Variants in COL23A1 observed in about 807,000 individuals in gnomAD.
COL23A1 encodes collagen alpha-1(XXIII) chain.
In COL23A1, 97 loss-of-function variants were observed where a neutral mutation model predicts 99.3. The observed-to-expected ratio is 0.98, with a 90% confidence interval of 0.83 to 1.16. COL23A1 has a LOEUF of 1.16. Among genes scored for constraint, COL23A1 ranks in the 50% most tolerant of loss-of-function variants. The pLI, the probability that COL23A1 is intolerant of heterozygous loss-of-function variation, is 0.00. For missense variants in COL23A1, 762 were observed against 757.4 expected, an observed-to-expected ratio of 1.01 and a Z score of -0.07; for synonymous variants, 320 against 308.2, an observed-to-expected ratio of 1.04 and a Z score of -0.40.
At chr5:178,472,206 C>T (rs934464362) in intron 2 of COL23A1, among the ~76,000 whole-genome samples, 1 of 152,194 alleles carries the variant, frequency 6.6e-6, no homozygotes, top group African/African-American at 2.4e-5. Flanking sequence ...AGAGAGGAAG[C>T]TGCATGGAAA....
In COL23A1 at chr5:178,384,776, C is replaced by T. The variant is rs913015734; in HGVS notation, c.362-77857G>A. Among the ~76,000 whole-genome samples the T allele has an allele frequency of 6.6e-6, 1 of 152,338 alleles. No homozygotes were observed. Among genetic ancestry groups the T allele is most frequent in the South Asian group, 2.1e-4 (1 of 4,830 alleles). On this transcript the variant is annotated intron_variant, in intron 2 of 28. Transcript: ENST00000390654. This position sits in a 1 kb window ranked among gnomAD's most constrained non-coding sequence, Gnocchi z 5.5. ...CCACGACCCTTGTACCACCCGGGGA[C>T]GGCCCAGAACAGCCTGGGGCTTGGA...
intron 2 of COL23A1, among the ~76,000 whole-genome samples, chr5:178,392,513 G>A (rs1200868454): frequency 6.6e-6 from 1 of 152,152 alleles, no homozygotes; most frequent in Non-Finnish European, 1.5e-5. Flanking sequence ...CTGGCTAACT[G>A]TCAGGACAGC....
chr5:178,257,079 C>T (rs1464624465), intron 13 of COL23A1, 151 bp from the exon 14 acceptor site: 2 of 687,828 alleles, frequency 2.9e-6, no homozygotes, highest in Non-Finnish European at 4.9e-6. Context: ...GGCGGATGGA[C>T]CTCAGGCCTC....
At chr5:178,354,420 G>C (rs758041796) in intron 2 of COL23A1, among the ~76,000 whole-genome samples, 1 of 152,060 alleles carries the variant, frequency 6.6e-6, no homozygotes, top group Non-Finnish European at 1.5e-5. Flanking sequence ...ATGTGATATG[G>C]TTTGGATCTG....
chr5:178,388,892 G>A lies in COL23A1; in HGVS notation c.362-81973C>T, dbSNP rs562312553. 9.2e-5 allele frequency among the ~76,000 whole-genome samples: 14 copies of A among 152,332 alleles called. 1 individual carries two copies. In the South Asian group the frequency reaches 2.1e-3, roughly 23 times the overall value. On this transcript the variant is annotated intron_variant, in intron 2 of 28. Coordinates refer to ENST00000390654, the MANE Select transcript of COL23A1 (RefSeq NM_173465.4). ...CTTTAGTATGCTAACATCCCTTGCA[G>A]CTCTCTAAGGTGGAGATTGGAGGGG... is the stretch of plus-strand genomic sequence containing the variant.
intron 5 of COL23A1, among the ~76,000 whole-genome samples, chr5:178,271,767 T>C (rs183539507): frequency 6.6e-6 from 1 of 152,360 alleles, no homozygotes; most frequent in East Asian, 1.9e-4. Context: ...GGGCGCATTG[T>C]GGCGACAGTA....
At chr5:178,400,228 G>A (rs867344109) in intron 2 of COL23A1, among the ~76,000 whole-genome samples, 12 of 151,998 alleles carry the variant, frequency 7.9e-5, no homozygotes, top group Admixed American at 7.2e-4. Context: ...TTAGCCGGGC[G>A]TGGTGGCGGG....
At chr5:178,542,344 C>T (rs1280672261) in intron 2 of COL23A1, among the ~76,000 whole-genome samples, 1 of 152,146 alleles carries the variant, frequency 6.6e-6, no homozygotes, top group African/African-American at 2.4e-5. Flanking sequence ...TAGCTGGTTA[C>T]ATTTTAATAA....
chr5:178,449,816 G>T (rs1767383295), intron 2 of COL23A1, among the ~76,000 whole-genome samples: 1 of 152,132 alleles, frequency 6.6e-6, no homozygotes, highest in African/African-American at 2.4e-5. Context: ...CATGGGCACT[G>T]AGTGGCATCC....
chr5:178,240,766 G>A (rs575903077), intron 27 of COL23A1, among the ~76,000 whole-genome samples: 1 of 152,342 alleles, frequency 6.6e-6, no homozygotes, highest in South Asian at 2.1e-4. Flanking sequence ...AGGTCTGGGA[G>A]GGGGTCTCTA....
chr5:178,330,008 T>A (rs1334318500), intron 2 of COL23A1, among the ~76,000 whole-genome samples: 1 of 151,556 alleles, frequency 6.6e-6, no homozygotes, highest in Non-Finnish European at 1.5e-5. Context: ...GGTGTCCTCA[T>A]CCCCTGTGAC....
intron 2 of COL23A1, among the ~76,000 whole-genome samples, chr5:178,520,522 T>G (rs1005077138): frequency 6.6e-6 from 1 of 152,104 alleles, no homozygotes; most frequent in African/African-American, 2.4e-5. Context: ...GTGAAACATC[T>G]CTCAATGTGA....
At chr5:178,562,423 G>A (rs988043557) in intron 1 of COL23A1, among the ~76,000 whole-genome samples, 5 of 151,180 alleles carry the variant, frequency 3.3e-5, no homozygotes, top group East Asian at 2.0e-4. Context: ...GCGTGGTGGC[G>A]GGCGCCTGTA....
intron 2 of COL23A1, among the ~76,000 whole-genome samples, chr5:178,480,082 C>A (rs1757250784): frequency 6.6e-6 from 1 of 150,988 alleles, no homozygotes; most frequent in Non-Finnish European, 1.5e-5. Context: ...TAGAGGTCCA[C>A]AGGTCATATA....
chr5:178,375,996 C>T (rs765856439), intron 2 of COL23A1, among the ~76,000 whole-genome samples: 1 of 152,174 alleles, frequency 6.6e-6, no homozygotes, highest in Non-Finnish European at 1.5e-5. Context: ...CGTGAGCCAC[C>T]ACGCCCGGCT....
In COL23A1 at chr5:178,535,032, G is replaced by A. The variant is rs1188144976; in HGVS notation, c.361+25650C>T. Among the ~76,000 whole-genome samples the A allele has an allele frequency of 7.5e-5, 11 of 147,208 alleles. 1 individual carries two copies. Among genetic ancestry groups the A allele is most frequent in the Admixed American group, 2.0e-4 (3 of 14,650 alleles). On this transcript the variant is annotated intron_variant, in intron 2 of 28. Coordinates refer to ENST00000390654, the MANE Select transcript of COL23A1 (RefSeq NM_173465.4). Reference sequence around the variant, plus strand: ...GTCGCCCAGGCTGGAGTGCGGTGGCGTGATTTCGGCTCACTGCAACCTCTG... The same window carrying A: ...GTCGCCCAGGCTGGAGTGCGGTGGCATGATTTCGGCTCACTGCAACCTCTG...
intron 2 of COL23A1, among the ~76,000 whole-genome samples, chr5:178,404,937 C>G (rs918343758): frequency 6.6e-6 from 1 of 152,218 alleles, no homozygotes; most frequent in South Asian, 2.1e-4. Context: ...TTTGCTTTAA[C>G]TTATAATAGA....
At chr5:178,523,745 G>C (rs990740786) in intron 2 of COL23A1, 2 of 152,184 alleles carry the variant, frequency 1.3e-5, no homozygotes, top group Non-Finnish European at 2.9e-5. Flanking sequence ...CCGGAATGAT[G>C]AACAATTGGA....
chr5:178,503,705 A>G (rs1018340716), intron 2 of COL23A1, among the ~76,000 whole-genome samples: 1 of 152,196 alleles, frequency 6.6e-6, no homozygotes, highest in African/African-American at 2.4e-5. Flanking sequence ...GTAAAATTTA[A>G]AAAGGTGAAC....
Sources: allele counts gnomAD v4.1 joint callset (sites outside exome capture counted in the v4.1 genomes callset), GRCh38; gene constraint gnomAD v4.1.1; non-coding constraint Gnocchi (gnomAD v3.1); transcripts MANE v1.5; gene names NCBI Gene and HGNC (gene_info 2026-07-23, HGNC 2026-07-21).